CCDC122: variants seen among roughly 807,000 people sequenced by gnomAD.
CCDC122 encodes coiled-coil domain-containing protein 122.
Under a neutral mutation model 37.0 loss-of-function variants are expected in CCDC122, and 38 were observed. The observed-to-expected ratio is 1.03, with a 90% confidence interval of 0.79 to 1.35. The LOEUF (loss-of-function observed/expected upper bound fraction) is 1.35, where lower values mean the gene tolerates loss of function less well. Ranked by LOEUF, CCDC122 falls within the 40% of genes most tolerant of loss-of-function variation. CCDC122 has a pLI of 0.00. For missense variants in CCDC122, 305 were observed against 310.0 expected (o/e 0.98, Z 0.12); for synonymous variants, 83 against 95.6 (o/e 0.87, Z 0.77).
chr13:43,857,758 C>G (rs1953968221), intron 6 of CCDC122, among the ~76,000 whole-genome samples: 1 of 151,958 alleles, frequency 6.6e-6, no homozygotes. Context: ...CAAAAATTAG[C>G]TGGGCATTGT....
chr13:43,863,345 T>C (rs1308771393), intron 4 of CCDC122, among the ~76,000 whole-genome samples: 5 of 152,176 alleles, frequency 3.3e-5, no homozygotes, highest in African/African-American at 1.2e-4. Context: ...GTTGTATATA[T>C]CAATAATTCT....
intron 3 of CCDC122, among the ~76,000 whole-genome samples, chr13:43,829,214 T>G (rs1953065949): frequency 6.6e-6 from 1 of 152,246 alleles, no homozygotes; most frequent in South Asian, 2.1e-4. Context: ...TCGGAGTTAA[T>G]TGCTCTTCGT....
At chr13:43,843,733 T>C (rs1268352079) in intron 6 of CCDC122, among the ~76,000 whole-genome samples, 2 of 151,958 alleles carry the variant, frequency 1.3e-5, no homozygotes, top group African/African-American at 4.8e-5. Flanking sequence ...GAATTCAATT[T>C]CATTGATTCC....
chr13:43,867,755 T>C (rs555733503), intron 4 of CCDC122, among the ~76,000 whole-genome samples: 1 of 152,298 alleles, frequency 6.6e-6, no homozygotes, highest in Admixed American at 6.5e-5. Flanking sequence ...TACAAAAATA[T>C]GACATTATTT....
downstream of CCDC122, among the ~76,000 whole-genome samples, chr13:43,831,560 CTTA>C (rs1953089947): frequency 6.6e-6 from 1 of 152,032 alleles, no homozygotes; most frequent in South Asian, 2.1e-4. Flanking sequence ...TGTGTCTTGG[CTTA>C]TTGATTTTGG....
In CCDC122 at chr13:43,860,055, G is replaced by C; in HGVS notation, c.172C>G (p.Leu58Val). ...LFNLKNELHELEKEIAAISAE... is the reference protein window; with the variant it reads ...LFNLKNELHEVEKEIAAISAE... The stretch of plus-strand genomic sequence containing the variant: ...GAGATAGCTGCTATTTCTTTTTCAA[G>C]CTCATGAAGTTCATTCTGTAATACA... Residue 58 changes from leucine (L) to valine (V), a missense_variant, in exon 5 of 7, where the codon CTT becomes GTT. Leu to Val is a conservative substitution (Grantham distance 32, BLOSUM62 1). Coordinates refer to ENST00000444614, the MANE Select transcript of CCDC122 (RefSeq NM_144974.5). 2 of 1,512,040 alleles carry C rather than the reference G, an allele frequency of 1.3e-6. No homozygotes were observed. Among genetic ancestry groups the C allele is most frequent in the Non-Finnish European group, 1.8e-6 (2 of 1,127,062 alleles). The allele number at this position is 1,512,040 out of a possible 1,614,324, so 93.7% of individuals were successfully genotyped here. A position where few individuals can be genotyped will look rare whatever the true frequency, so the allele number is the denominator to read the frequency against.
chr13:43,846,205 G>C (rs1308258048), intron 6 of CCDC122, among the ~76,000 whole-genome samples: 1 of 152,040 alleles, frequency 6.6e-6, no homozygotes, highest in Non-Finnish European at 1.5e-5. Flanking sequence ...CTCCTGAGTA[G>C]CTGGGATTAC....
intron 2 of CCDC122, 47 bp from the exon 3 acceptor site, chr13:43,869,536 C>T: frequency 1.8e-6 from 1 of 560,146 alleles, no homozygotes; most frequent in Non-Finnish European, 3.1e-6. Context: ...ATGTCAATGA[C>T]ATTTTATCAT....
chr13:43,858,208 C>A (rs1486963225), intron 6 of CCDC122: 1 of 151,982 alleles, frequency 6.6e-6, no homozygotes, highest in Non-Finnish European at 1.5e-5. Flanking sequence ...AATTATTTGC[C>A]CTTAATAGCA....
chr13:43,851,821 C>T (rs1183844366), intron 6 of CCDC122, among the ~76,000 whole-genome samples: 2 of 152,118 alleles, frequency 1.3e-5, no homozygotes, highest in Admixed American at 1.3e-4. Flanking sequence ...ACAAGTCCCC[C>T]AGAGTTACAG....
chr13:43,834,913 G>C (rs1461094513), downstream of CCDC122, among the ~76,000 whole-genome samples: 5 of 152,038 alleles, frequency 3.3e-5, no homozygotes, highest in Admixed American at 2.6e-4. Context: ...GATTCCTCAG[G>C]GATCTAGAAC....
At chr13:43,856,753 T>A (rs1307247073) in intron 6 of CCDC122, 1 of 152,206 alleles carries the variant, frequency 6.6e-6, no homozygotes. Flanking sequence ...TTAGTAAAGC[T>A]GTTTATAAAA....
intron 6 of CCDC122, among the ~76,000 whole-genome samples, chr13:43,847,142 A>T (rs1285451653): frequency 6.6e-6 from 1 of 152,256 alleles, no homozygotes; most frequent in Non-Finnish European, 1.5e-5. Context: ...ATTTTGCAGC[A>T]GTTAAAAATA....
intron 6 of CCDC122, among the ~76,000 whole-genome samples, chr13:43,857,029 T>C (rs570875906): frequency 1.3e-5 from 2 of 152,342 alleles, no homozygotes; most frequent in East Asian, 3.9e-4. Flanking sequence ...GAATACTGTA[T>C]TAAAATTCCC....
At chr13:43,819,933 T>A (rs1345398596), downstream of CCDC122, among the ~76,000 whole-genome samples, 1 of 147,358 alleles carries the variant, frequency 6.8e-6, no homozygotes, top group Non-Finnish European at 1.5e-5. Flanking sequence ...CAGTAGAATA[T>A]CATAAGGACA....
chr13:43,874,266 C>T (rs541015166), intron 2 of CCDC122, among the ~76,000 whole-genome samples: 1 of 152,218 alleles, frequency 6.6e-6, no homozygotes, highest in South Asian at 2.1e-4. Context: ...AATATTAGTG[C>T]CTGCTTCATT....
intron 6 of CCDC122, among the ~76,000 whole-genome samples, chr13:43,850,444 T>C (rs1239441759): frequency 6.6e-6 from 1 of 151,494 alleles, no homozygotes; most frequent in African/African-American, 2.4e-5. Context: ...CTGGAAAAAA[T>C]GTAAAAAATA....
At chr13:43,840,235 G>A (rs894492241) in intron 6 of CCDC122, among the ~76,000 whole-genome samples, 2 of 152,130 alleles carry the variant, frequency 1.3e-5, no homozygotes, top group African/African-American at 4.8e-5. Flanking sequence ...CATGCTTGTG[G>A]AAGTGAAGTG....
chr13:43,875,926 T>C (rs946996652), intron 1 of CCDC122, among the ~76,000 whole-genome samples: 27 of 152,342 alleles, frequency 1.8e-4, no homozygotes, highest in African/African-American at 6.0e-4. Context: ...TCTCATTTGA[T>C]TGATCTTCAT....
Sources: gnomAD v4.1 joint callset for allele counts (sites outside exome capture counted in the v4.1 genomes callset) on GRCh38, gnomAD v4.1.1 for gene constraint, MANE v1.5 for transcripts, NCBI Gene and HGNC (gene_info 2026-07-23, HGNC 2026-07-21) for gene names.